TRAF3IP2: variants seen among roughly 807,000 people sequenced by gnomAD.
The protein encoded by TRAF3IP2 is E3 ubiquitin ligase TRAF3IP2.
TRAF3IP2 carries 35 observed loss-of-function variants against 57.9 expected under a neutral mutation model. The observed-to-expected ratio is 0.60, with a 90% CI of 0.46 to 0.80. The LOEUF (loss-of-function observed/expected upper bound fraction) is 0.80, where lower values mean the gene tolerates loss of function less well. Among genes scored for constraint, TRAF3IP2 ranks in the 30% least tolerant of loss-of-function variants. The pLI, the probability that TRAF3IP2 is intolerant of heterozygous loss-of-function variation, is 0.00. For missense variants in TRAF3IP2, 556 were observed against 706.4 expected, an observed-to-expected ratio of 0.79 and a Z score of 2.41; for synonymous variants, 251 against 268.9, an observed-to-expected ratio of 0.93 and a Z score of 0.65.
chr6:111,555,828 G>T lies in TRAF3IP2; in HGVS notation c.*3577C>A, dbSNP rs1454252369. On this transcript the variant is annotated 3_prime_UTR_variant, in exon 9 of 9. Coordinates refer to ENST00000368761, the MANE Select transcript of TRAF3IP2 (RefSeq NM_147686.4). ...TGTTACAATTCCTTTGATGGGCCGG[G>T]CGTGGTGGCTCATGCCTGTAATCCC... 6.6e-6 allele frequency among the ~76,000 whole-genome samples: 1 copy of T among 152,222 alleles called. No homozygotes were observed. The highest frequency in any genetic ancestry group is 2.4e-5 in the African/African-American group (1 of 41,460).
intron 4 of TRAF3IP2, among the ~76,000 whole-genome samples, chr6:111,575,374 G>T (rs187790575): frequency 1.6e-4 from 25 of 151,970 alleles, no homozygotes; most frequent in East Asian, 7.8e-4. Context: ...GGATCACGAG[G>T]TGAAGAGATC....
chr6:111,591,147 C>T lies in TRAF3IP2; in HGVS notation c.829+111G>A. ...CCCCTAAGAGAAGCAGAATGCCCTC[C>T]CTGCATTCTGACCTGTTCATGCCAG... On this transcript the variant is annotated intron_variant, in intron 2 of 8. Transcript: ENST00000368761. The surrounding 1 kb of genome is among the most constrained non-coding windows in gnomAD (Gnocchi z 4.9). 1.3e-6 allele frequency: 1 copy of T among 784,924 alleles called. No homozygotes were observed. The highest frequency in any genetic ancestry group is 2.9e-5 in the Admixed American group (1 of 34,878). The allele number at this position is 784,924 out of a possible 1,614,324, so 48.6% of individuals were successfully genotyped here. A position where few individuals can be genotyped will look rare whatever the true frequency, so the allele number is the denominator to read the frequency against.
chr6:111,577,504 T>C (rs1334228412), intron 3 of TRAF3IP2, among the ~76,000 whole-genome samples: 1 of 152,080 alleles, frequency 6.6e-6, no homozygotes, highest in African/African-American at 2.4e-5. Context: ...TTTTCCCACC[T>C]TAGCCTCCTG....
At chr6:111,568,510 C>T (rs1232110908) in intron 5 of TRAF3IP2, among the ~76,000 whole-genome samples, 4 of 145,806 alleles carry the variant, frequency 2.7e-5, no homozygotes, top group African/African-American at 7.6e-5. Context: ...TGTGTGTTTA[C>T]GAGATGCTCT....
rs1002090925 is a variant in TRAF3IP2 at position 111,591,323 on chromosome 6, A to G, written c.764T>C (p.Leu255Pro). The G allele has an allele frequency of 1.3e-6, 2 of 1,516,470 alleles. No homozygotes were observed. Among genetic ancestry groups the G allele is most frequent in the African/African-American group, 2.8e-5 (2 of 71,646 alleles). The allele number at this position is 1,516,470 out of a possible 1,614,324, so 93.9% of individuals were successfully genotyped here. ...ATAGTTCCATGGAGCATGTGGGGAA[A>G]GATTGGGAGGCAGCATCTGTGCACA... Reference protein sequence around the residue: ...PACAQMLPPNLSPHAPWNYHY... With the variant: ...PACAQMLPPNPSPHAPWNYHY... The change falls in exon 2 of 9, where the codon CTT (leucine) becomes CCT (proline). Residue 255 changes from leucine (L) to proline (P), a missense_variant. Around this residue, in one of 2 missense-constraint regions of TRAF3IP2, gnomAD observed 428 missense variants for 498.7 expected, o/e 0.86. Coordinates refer to ENST00000368761, the MANE Select transcript of TRAF3IP2 (RefSeq NM_147686.4). This position sits in a 1 kb window ranked among gnomAD's most constrained non-coding sequence, Gnocchi z 4.9.
At chr6:111,560,368 A>G (rs1795391272) in intron 8 of TRAF3IP2, among the ~76,000 whole-genome samples, 1 of 152,284 alleles carries the variant, frequency 6.6e-6, no homozygotes, top group African/African-American at 2.4e-5. Flanking sequence ...CTGTGAGTAG[A>G]GCAGAGTGAG....
At chr6:111,595,694 G>A (rs886414881) in intron 1 of TRAF3IP2, among the ~76,000 whole-genome samples, 15 of 152,120 alleles carry the variant, frequency 9.9e-5, no homozygotes, top group African/African-American at 3.6e-4. Context: ...CGGGCATGAT[G>A]GCAGGCACCT....
At chr6:111,585,549 A>T (rs1049841317) in intron 2 of TRAF3IP2, among the ~76,000 whole-genome samples, 3 of 152,238 alleles carry the variant, frequency 2.0e-5, no homozygotes, top group Non-Finnish European at 2.9e-5. Flanking sequence ...GAGAAAGAGA[A>T]AATCTATGTG....
intron 2 of TRAF3IP2, among the ~76,000 whole-genome samples, chr6:111,581,807 A>G (rs1168110450): frequency 2.0e-5 from 3 of 152,072 alleles, no homozygotes; most frequent in Non-Finnish European, 2.9e-5. Flanking sequence ...GTAAAACCCC[A>G]TCTCTACTAC....
chr6:111,603,084 GCACACACA>G (rs3066041), intron 1 of TRAF3IP2, among the ~76,000 whole-genome samples: 1,533 of 149,962 alleles, frequency 0.01, 25 homozygotes, highest in African/African-American at 0.033. Context: ...CACAAGGTGT[GCACACACA>G]CACACACACA....
Position 111,559,248 on chromosome 6 carries a change from A to C in TRAF3IP2, c.*157T>G, listed in dbSNP as rs1795343714. 543 of 919,254 alleles carry C rather than the reference A, an allele frequency of 5.9e-4. No individual in the cohort carries two copies. The highest frequency in any genetic ancestry group is 7.6e-4 in the Non-Finnish European group (473 of 619,842). 56.9% of individuals were successfully genotyped at this position (919,254 alleles called of 1,614,324 possible). The stretch of plus-strand genomic sequence containing the variant: ...CAGGGTGTGTGGAGGTCTCCGGGGA[A>C]GAGCTCTGCACAACAGGTTTCCTGG... On this transcript the variant is annotated 3_prime_UTR_variant, in exon 9 of 9. Transcript: ENST00000368761.
chr6:111,565,920 G>T (rs907210866), intron 7 of TRAF3IP2, among the ~76,000 whole-genome samples: 1 of 152,148 alleles, frequency 6.6e-6, no homozygotes, highest in African/African-American at 2.4e-5. Flanking sequence ...CCCATTTTGT[G>T]AATAGGGACA....
chr6:111,595,124 T>G (rs1222025284), intron 1 of TRAF3IP2, among the ~76,000 whole-genome samples: 1 of 151,844 alleles, frequency 6.6e-6, no homozygotes, highest in Non-Finnish European at 1.5e-5. Context: ...CCCGGCTACT[T>G]GGGAGACTGA....
rs1407358608 is a variant in TRAF3IP2, at chr6:111,580,217, A to C, written c.1002T>G (p.Phe334Leu). The C allele has an allele frequency of 6.2e-7, 1 of 1,614,156 alleles. No individual in the cohort carries two copies. The highest frequency in any genetic ancestry group is 1.6e-4 in the Middle Eastern group (1 of 6,062). The change falls in exon 3 of 9, where the codon TTT (phenylalanine) becomes TTG (leucine). Residue 334 changes from phenylalanine to leucine, a missense_variant. Coordinates refer to ENST00000368761, the MANE Select transcript of TRAF3IP2 (RefSeq NM_147686.4). Reference sequence around the variant, plus strand: ...CTTACTGGTGCCTTGGAAGCCCCGGAAAGGAGCAGTCTCTCTGTGCGGGCC... The same window carrying C: ...CTTACTGGTGCCTTGGAAGCCCCGGCAAGGAGCAGTCTCTCTGTGCGGGCC... ...EERPAQRDCS[F>L]PGLPRHQDQP...
At chr6:111,559,670 T>A in intron 8 of TRAF3IP2, 119 bp from the exon 9 acceptor site, 4 of 1,189,266 alleles carry the variant, frequency 3.4e-6, no homozygotes, top group African/African-American at 1.5e-5. Context: ...TACCAAACTA[T>A]CCTGGGAGTT....
At chr6:111,602,277 T>C (rs1481345686) in intron 1 of TRAF3IP2, 1 of 152,172 alleles carries the variant, frequency 6.6e-6, no homozygotes, top group Non-Finnish European at 1.5e-5. Flanking sequence ...ATAATAAACA[T>C]TTAGAGAACA....
chr6:111,573,278 C>T (rs6917234), intron 4 of TRAF3IP2, among the ~76,000 whole-genome samples: 1,836 of 152,274 alleles, frequency 0.012, 40 homozygotes, highest in African/African-American at 0.042. Flanking sequence ...ATCCACCACC[C>T]AGAATCCGCG....
rs1360848796 is a variant in TRAF3IP2 at position 111,558,922 on chromosome 6, G to A, written c.*483C>T. 1 of 152,810 alleles carries A rather than the reference G, an allele frequency of 6.5e-6. No individual in the cohort carries two copies. The highest frequency in any genetic ancestry group is 1.5e-5 in the Non-Finnish European group (1 of 68,536). 9.5% of individuals were successfully genotyped at this position (152,810 alleles called of 1,614,324 possible). On this transcript the variant is annotated 3_prime_UTR_variant, in exon 9 of 9. Coordinates refer to ENST00000368761, the MANE Select transcript of TRAF3IP2 (RefSeq NM_147686.4). ...TATAAATTATATGTATCTCCTTTGA[G>A]ATAAGTAAAACATAATCTTACAAAA...
At chr6:111,562,350 G>T (rs1208966751) in intron 8 of TRAF3IP2, among the ~76,000 whole-genome samples, 3 of 152,308 alleles carry the variant, frequency 2.0e-5, no homozygotes, top group African/African-American at 7.2e-5. Flanking sequence ...ATGTACAAGA[G>T]ATAAGAAGTA....
Sources: allele counts gnomAD v4.1 joint callset (sites outside exome capture counted in the v4.1 genomes callset), GRCh38; gene constraint gnomAD v4.1.1; regional missense constraint gnomAD v4.1.1; non-coding constraint Gnocchi (gnomAD v3.1); transcripts MANE v1.5; gene names NCBI Gene and HGNC (gene_info 2026-07-23, HGNC 2026-07-21).